Variants in HPSE2 observed in about 807,000 individuals in gnomAD.
HPSE2 encodes the protein heparanase 2 (inactive).
HPSE2 carries 38 observed loss-of-function variants against 60.5 expected under a neutral mutation model. That is an observed-to-expected ratio of 0.63 (90% CI 0.48 to 0.82). HPSE2 has a LOEUF of 0.82. Ranked by LOEUF, HPSE2 falls within the 40% of genes least tolerant of loss-of-function variation. HPSE2 has a pLI of 0.00. For synonymous variants in HPSE2, 295 were observed against 293.2 expected (o/e 1.01, Z -0.06); for missense variants, 713 against 740.4 (o/e 0.96, Z 0.43).
the HPSE2 span, among the ~76,000 whole-genome samples, chr10:99,244,285 G>A: frequency 2.0e-5 from 3 of 151,840 alleles, no homozygotes; most frequent in South Asian, 2.1e-4. Flanking sequence ...CCAAAGTACT[G>A]GGATTACAAG....
At chr10:98,600,882 T>TATAC (rs1945388419) in intron 9 of HPSE2, among the ~76,000 whole-genome samples, 10 of 139,058 alleles carry the variant, frequency 7.2e-5, no homozygotes, top group East Asian at 2.1e-4. Context: ...TATGTATATA[T>TATAC]ACATATATAC....
intron 6 of HPSE2, among the ~76,000 whole-genome samples, chr10:98,656,376 T>A (rs1947063624): frequency 6.6e-6 from 1 of 152,184 alleles, no homozygotes; most frequent in South Asian, 2.1e-4. Flanking sequence ...TGAGCCACCA[T>A]GCCCAGCCTT....
intron 7 of HPSE2, among the ~76,000 whole-genome samples, chr10:98,639,707 C>T (rs537486): frequency 0.14 from 21,591 of 152,148 alleles, 1,977 homozygotes; most frequent in East Asian, 0.23. Flanking sequence ...CAGTGCGGGA[C>T]GGTAATGGGA....
At chr10:98,467,467 G>T (rs755518711) in intron 11 of HPSE2, among the ~76,000 whole-genome samples, 35 of 152,258 alleles carry the variant, frequency 2.3e-4, no homozygotes, top group Non-Finnish European at 4.6e-4. Context: ...TCAGTTTCTG[G>T]ATTGTTAAAT....
At chr10:98,574,873 C>T (rs535833608) in intron 9 of HPSE2, among the ~76,000 whole-genome samples, 2 of 152,334 alleles carry the variant, frequency 1.3e-5, no homozygotes, top group East Asian at 3.9e-4. Context: ...TACATACATA[C>T]TGAGATGGAA....
intron 9 of HPSE2, among the ~76,000 whole-genome samples, chr10:98,601,439 T>G (rs1431954440): frequency 6.6e-6 from 1 of 152,104 alleles, no homozygotes; most frequent in East Asian, 1.9e-4. Context: ...GCATACTCAG[T>G]GTAAATCTGA....
At chr10:98,950,840 T>C (rs148517592) in intron 3 of HPSE2, among the ~76,000 whole-genome samples, 3 of 152,306 alleles carry the variant, frequency 2.0e-5, no homozygotes, top group African/African-American at 7.2e-5. Flanking sequence ...AAAAACCATA[T>C]AATGCCATTG....
At chr10:98,494,233 A>G (rs977064993) in intron 9 of HPSE2, among the ~76,000 whole-genome samples, 1 of 152,208 alleles carries the variant, frequency 6.6e-6, no homozygotes, top group Non-Finnish European at 1.5e-5. Context: ...TGAACAAAGG[A>G]GACAGGGTCA....
At chr10:99,197,716 C>T (rs1393832956) in intron 2 of HPSE2, among the ~76,000 whole-genome samples, 4 of 152,102 alleles carry the variant, frequency 2.6e-5, no homozygotes, top group Admixed American at 1.3e-4. Context: ...ATATCATTTT[C>T]ATAGACTCAG....
intron 5 of HPSE2, among the ~76,000 whole-genome samples, chr10:98,708,068 TGTC>T (rs1948591085): frequency 6.6e-6 from 1 of 152,194 alleles, no homozygotes; most frequent in African/African-American, 2.4e-5. Context: ...TGTGATTTGT[TGTC>T]TACTTGGGAA....
At chr10:99,240,785 T>G (rs1039049150), upstream of HPSE2, among the ~76,000 whole-genome samples, 1 of 152,202 alleles carries the variant, frequency 6.6e-6, no homozygotes, top group Non-Finnish European at 1.5e-5. Context: ...TAATTCTATA[T>G]GCCGCCTGCC....
At chr10:98,748,674 G>A (rs1949683884) in intron 3 of HPSE2, among the ~76,000 whole-genome samples, 1 of 152,116 alleles carries the variant, frequency 6.6e-6, no homozygotes, top group Admixed American at 6.6e-5. Flanking sequence ...TGAGATTTCT[G>A]AAGGGCAAAA....
At chr10:99,143,376 T>C (rs188745545) in intron 3 of HPSE2, among the ~76,000 whole-genome samples, 1 of 152,312 alleles carries the variant, frequency 6.6e-6, no homozygotes, top group African/African-American at 2.4e-5. Flanking sequence ...TTTCCTAACT[T>C]AGAGCTTACA....
intron 3 of HPSE2, among the ~76,000 whole-genome samples, chr10:98,779,485 AG>A (rs1950417665): frequency 6.6e-6 from 1 of 152,174 alleles, no homozygotes. Flanking sequence ...CCCTTTATTC[AG>A]GGGATAGCTC....
chr10:99,106,751 C>A (rs1011337287), intron 3 of HPSE2, among the ~76,000 whole-genome samples: 3 of 152,048 alleles, frequency 2.0e-5, no homozygotes, highest in African/African-American at 4.8e-5. Flanking sequence ...ATAATATTAT[C>A]CCCATTTATA....
At chr10:98,680,385 T>C (rs1947753772) in intron 6 of HPSE2, among the ~76,000 whole-genome samples, 1 of 152,202 alleles carries the variant, frequency 6.6e-6, no homozygotes, top group Non-Finnish European at 1.5e-5. Flanking sequence ...ATACAAGTGA[T>C]GATGAAATAT....
intron 9 of HPSE2, among the ~76,000 whole-genome samples, chr10:98,518,549 T>TA (rs1564934680): frequency 4.0e-5 from 6 of 150,942 alleles, no homozygotes; most frequent in South Asian, 2.1e-4. Flanking sequence ...CTACTAAAAA[T>TA]GAAAAAAAAT....
the HPSE2 span, among the ~76,000 whole-genome samples, chr10:99,260,410 CACCT>C: frequency 6.6e-6 from 1 of 152,168 alleles, no homozygotes; most frequent in Non-Finnish European, 1.5e-5. Flanking sequence ...TGAGGAGATC[CACCT>C]ACAACATCAG....
At chr10:99,134,090 T>C (rs953424308) in intron 3 of HPSE2, among the ~76,000 whole-genome samples, 1 of 152,138 alleles carries the variant, frequency 6.6e-6, no homozygotes, top group Non-Finnish European at 1.5e-5. Flanking sequence ...CAAGTTTCAA[T>C]AGCTGAATCG....
Sources: allele counts gnomAD v4.1 joint callset (sites outside exome capture counted in the v4.1 genomes callset), GRCh38; gene constraint gnomAD v4.1.1; transcripts MANE v1.5; gene names NCBI Gene and HGNC (gene_info 2026-07-23, HGNC 2026-07-21).